PRELP: variants seen among roughly 807,000 people sequenced by gnomAD.
PRELP encodes proline and arginine rich end leucine rich repeat protein, also known as prolargin.
Under a neutral mutation model 22.8 loss-of-function variants are expected in PRELP, and 16 were observed. The observed-to-expected ratio is 0.70, with a 90% CI of 0.47 to 1.06. The LOEUF is 1.06. Among genes scored for constraint, PRELP ranks in the 50% least tolerant of loss-of-function variants. PRELP has a pLI of 0.00. For synonymous variants in PRELP, 233 were observed against 211.4 expected, an observed-to-expected ratio of 1.10 and a Z score of -0.89; for missense variants, 434 against 485.2, an observed-to-expected ratio of 0.89 and a Z score of 0.99.
intron 1 of PRELP, among the ~76,000 whole-genome samples, chr1:203,477,611 G>C (rs1037663832): frequency 6.6e-6 from 1 of 152,158 alleles, no homozygotes; most frequent in Admixed American, 6.5e-5. Context: ...GCAGCCACCT[G>C]TCTGGGCTCT....
At position 203,487,052 on chromosome 1, in the gene PRELP, G is replaced by A; in HGVS notation, c.*171G>A. 1 of 736,030 alleles carries A rather than the reference G, an allele frequency of 1.4e-6. No individual in the cohort carries two copies. Among genetic ancestry groups the A allele is most frequent in the Non-Finnish European group, 2.1e-6 (1 of 475,208 alleles). The allele number at this position is 736,030 out of a possible 1,614,324, so 45.6% of individuals were successfully genotyped here. ...TATTCTTCTGCAGCCTCAGGAGCGA[G>A]ACTTCAAGGACTCAGTTTGGTTCCA... On this transcript the variant is annotated 3_prime_UTR_variant, in exon 3 of 3. Transcript: ENST00000343110.
chr1:203,482,278 C>T (rs2102207802), intron 1 of PRELP, among the ~76,000 whole-genome samples: 1 of 137,384 alleles, frequency 7.3e-6, no homozygotes, highest in African/African-American at 2.7e-5. Flanking sequence ...TGCTTTCTTT[C>T]TTTCTTTTTT....
intron 1 of PRELP, among the ~76,000 whole-genome samples, chr1:203,481,742 T>C (rs532915425): frequency 6.6e-6 from 1 of 152,304 alleles, no homozygotes; most frequent in African/African-American, 2.4e-5. Flanking sequence ...TTTGCTTATG[T>C]GCATGGGACC....
At chr1:203,479,971 G>A (rs1660972684) in intron 1 of PRELP, among the ~76,000 whole-genome samples, 1 of 152,118 alleles carries the variant, frequency 6.6e-6, no homozygotes, top group African/African-American at 2.4e-5. Context: ...TGGGTGCAGT[G>A]GCTCACACCT....
At chr1:203,485,795 G>C (rs1431150183) in intron 2 of PRELP, among the ~76,000 whole-genome samples, 1 of 152,188 alleles carries the variant, frequency 6.6e-6, no homozygotes, top group African/African-American at 2.4e-5. Flanking sequence ...AAGGCTTAGG[G>C]AGAATAAAAC....
Position 203,486,215 on chromosome 1 carries a change from A to G in PRELP, c.974-491A>G, listed in dbSNP as rs182953993. 5.1e-4 allele frequency among the ~76,000 whole-genome samples: 77 copies of G among 152,306 alleles called. 2 individuals are homozygous for G. The highest frequency in any genetic ancestry group is 4.4e-3 in the Admixed American group (68 of 15,302). On this transcript the variant is annotated intron_variant, in intron 2 of 2. Transcript: ENST00000343110. ...TGTTAATAACATCGCTCTCACAAAG[A>G]CAGTCCTGTTCACTGCCATTCCTCA...
intron 1 of PRELP, among the ~76,000 whole-genome samples, chr1:203,479,068 C>G (rs939922179): frequency 6.6e-6 from 1 of 152,170 alleles, no homozygotes; most frequent in African/African-American, 2.4e-5. Context: ...TCAGAAGCAG[C>G]CCCATTCTCC....
In PRELP at chr1:203,486,869, C is replaced by T; in HGVS notation, c.1137C>T (p.Ser379=). The change falls in exon 3 of 3, where the codon TCC becomes TCT. Residue 379 remains serine (S), a synonymous_variant. Transcript: ENST00000343110. ...DLMMCFRLLQ[S]VVI ...TGATGTGCTTCCGCCTCCTGCAGTCCGTGGTCATCTAGGCCCTACTCCGCC... is the reference window on the plus strand; with the variant it reads ...TGATGTGCTTCCGCCTCCTGCAGTCTGTGGTCATCTAGGCCCTACTCCGCC... The T allele has an allele frequency of 6.2e-7, 1 of 1,613,520 alleles. No individual in the cohort carries two copies. Among genetic ancestry groups the T allele is most frequent in the Non-Finnish European group, 8.5e-7 (1 of 1,179,672 alleles).
rs1337521725 is a variant in PRELP at position 203,487,519 on chromosome 1, G to T, written c.*638G>T. ...CTGCATCTGGCCAGCAGGACACAGG[G>T]ATGCGCAGGGCGCCCCCTTCTGTTC... On this transcript the variant is annotated 3_prime_UTR_variant, in exon 3 of 3. Coordinates refer to ENST00000343110, the MANE Select transcript of PRELP (RefSeq NM_002725.4). 6.5e-6 allele frequency: 1 copy of T among 153,056 alleles called. No individual in the cohort carries two copies. The highest frequency in any genetic ancestry group is 1.9e-4 in the East Asian group (1 of 5,180). 9.5% of individuals were successfully genotyped at this position (153,056 alleles called of 1,614,324 possible).
intron 1 of PRELP, among the ~76,000 whole-genome samples, chr1:203,477,150 A>G (rs1351841989): frequency 6.6e-6 from 1 of 152,122 alleles, no homozygotes; most frequent in Non-Finnish European, 1.5e-5. Flanking sequence ...AGGGCTTACT[A>G]AAAATACAGA....
intron 1 of PRELP, among the ~76,000 whole-genome samples, chr1:203,477,316 G>A (rs1660927964): frequency 1.3e-5 from 2 of 152,150 alleles, no homozygotes; most frequent in Non-Finnish European, 1.5e-5. Flanking sequence ...GTGTTAGCTG[G>A]GCAGAAGGAC....
intron 1 of PRELP, among the ~76,000 whole-genome samples, chr1:203,480,015 G>A (rs1485608750): frequency 6.6e-6 from 1 of 152,042 alleles, no homozygotes; most frequent in African/African-American, 2.4e-5. Flanking sequence ...CGAGGTGGGA[G>A]GATTGCTTGA....
At chr1:203,485,616 G>A (rs1327489040) in intron 2 of PRELP, among the ~76,000 whole-genome samples, 1 of 152,148 alleles carries the variant, frequency 6.6e-6, no homozygotes, top group Non-Finnish European at 1.5e-5. Flanking sequence ...TCAGCATGAG[G>A]GTGGCTAGGC....
At chr1:203,479,044 G>C (rs949946158) in intron 1 of PRELP, among the ~76,000 whole-genome samples, 2 of 152,148 alleles carry the variant, frequency 1.3e-5, no homozygotes, top group African/African-American at 4.8e-5. Context: ...GACATTCACC[G>C]GCACAGCGCT....
In PRELP at chr1:203,477,000, C is replaced by T. The variant is rs1267220958; in HGVS notation, c.-17+1062C>T. On this transcript the variant is annotated intron_variant, in intron 1 of 2. Transcript: ENST00000343110. ...TGGGGAGGGGAAAACTGAAGGGCGG[C>T]CCCTCTCCTGCTCCCCTGCTCATTC... Among the ~76,000 whole-genome samples the T allele has an allele frequency of 2.7e-5, 4 of 150,778 alleles. No individual in the cohort carries two copies. In the East Asian group the frequency reaches 5.8e-4, roughly 22 times the overall value.
In PRELP at chr1:203,487,768, C is replaced by CT. The variant is rs1661119995; in HGVS notation, c.*887_*888insT. The CT allele has an allele frequency of 7.7e-6, 1 of 129,880 alleles. No homozygotes were observed. The highest frequency in any genetic ancestry group is 1.6e-5 in the Non-Finnish European group (1 of 60,702). 8.0% of individuals were successfully genotyped at this position (129,880 alleles called of 1,614,324 possible). On this transcript the variant is annotated 3_prime_UTR_variant, in exon 3 of 3. Coordinates refer to ENST00000343110, the MANE Select transcript of PRELP (RefSeq NM_002725.4). Reference sequence around the variant, plus strand: ...GGGGGCGGGGGAAGGAAGAGGCAGCCCCGCCCCCGCCATCTGTTCTCCATC... The same window carrying CT: ...GGGGGCGGGGGAAGGAAGAGGCAGCCTCCGCCCCCGCCATCTGTTCTCCATC...
rs918148061 is a variant in PRELP at position 203,483,585 on chromosome 1, A to G, written c.401A>G (p.Asp134Gly). 6.2e-7 allele frequency: 1 copy of G among 1,614,244 alleles called. No homozygotes were observed. The highest frequency in any genetic ancestry group is 2.2e-5 in the East Asian group (1 of 44,880). The change falls in exon 2 of 3, where the codon GAC (aspartate) becomes GGC (glycine). Residue 134 changes from aspartate (D) to glycine (G), a missense_variant. Asp to Gly is a moderately conservative substitution (Grantham distance 94). Transcript: ENST00000343110. This position sits in a 1 kb window ranked among gnomAD's most constrained non-coding sequence, Gnocchi z 4.4. ...ACAGGCCTGCGATGGATTAACCTGG[A>G]CAACAACCGAATCCGCAAGATAGAC... ...NATGLRWINL[D>G]NNRIRKIDQR... is the part of the protein sequence containing the mutation.
intron 1 of PRELP, among the ~76,000 whole-genome samples, chr1:203,481,565 G>A (rs1265744973): frequency 2.6e-5 from 4 of 152,212 alleles, no homozygotes; most frequent in African/African-American, 9.6e-5. Context: ...CAGGGAAAAT[G>A]GCCTTCCAGA....
chr1:203,486,628 G>A (rs1252608958), intron 2 of PRELP, 78 bp from the exon 3 acceptor site: 10 of 1,395,690 alleles, frequency 7.2e-6, no homozygotes, highest in Non-Finnish European at 1.0e-6. Context: ...TTGCTCTCGG[G>A]TGTCTTCCCC....
Sources: allele counts gnomAD v4.1 joint callset (sites outside exome capture counted in the v4.1 genomes callset), GRCh38; gene constraint gnomAD v4.1.1; non-coding constraint Gnocchi (gnomAD v3.1); transcripts MANE v1.5; gene names NCBI Gene and HGNC (gene_info 2026-07-23, HGNC 2026-07-21).